The following ASCC2 variants were observed in gnomAD, a reference collection of about 807,000 sequenced individuals.
ASCC2 encodes activating signal cointegrator 1 complex subunit 2.
A neutral mutation model predicts 93.5 loss-of-function variants in ASCC2; 42 were observed. The observed-to-expected ratio is 0.45, with a 90% CI of 0.35 to 0.58. The LOEUF (loss-of-function observed/expected upper bound fraction) is 0.58, where lower values mean the gene tolerates loss of function less well. Among genes scored for constraint, ASCC2 ranks in the 20% least tolerant of loss-of-function variants. The pLI is 0.00. For missense variants in ASCC2, 859 were observed against 977.6 expected, an observed-to-expected ratio of 0.88 and a Z score of 1.62; for synonymous variants, 364 against 384.2, an observed-to-expected ratio of 0.95 and a Z score of 0.62.
Position 29,789,324 on chromosome 22 carries a change from GGA to G in ASCC2, c.2103-142_2103-141del. 5 of 1,034,024 alleles carry G rather than the reference GGA, an allele frequency of 4.8e-6. No homozygotes were observed. The South Asian group carries it at 7.4e-5, about 15-fold the overall frequency. The allele number at this position is 1,034,024 out of a possible 1,614,324, so 64.1% of individuals were successfully genotyped here. On this transcript the variant is annotated intron_variant, in intron 19 of 19. Transcript: ENST00000307790. ...ACTCATGTCCCAACTTCAGATGGAA[GGA>G]GAGATGGAGCCCAGCAGGGGCAGGG...
rs748836069 is a variant in ASCC2, at chr22:29,825,597, A to C, written c.240+25T>G. 1.2e-6 allele frequency: 2 copies of C among 1,613,974 alleles called. No homozygotes were observed. The highest frequency in any genetic ancestry group is 2.7e-5 in the African/African-American group (2 of 74,934). On this transcript the variant is annotated intron_variant, in intron 3 of 19. Transcript: ENST00000307790. The surrounding 1 kb of genome is among the most constrained non-coding windows in gnomAD (Gnocchi z 4.9). The stretch of plus-strand genomic sequence containing the variant: ...AATGGCATGTCATGTGCTTTGTCTT[A>C]GCGTTAATTTTGATAGAATGTTACC...
At chr22:29,815,948 G>T in intron 6 of ASCC2, 58 bp downstream of exon 6, 1 of 1,401,236 alleles carries the variant, frequency 7.1e-7, no homozygotes, top group South Asian at 1.2e-5. Flanking sequence ...CCATTGAGTT[G>T]GGGAGGTGGC....
At chr22:29,791,023 C>A (rs1206673681) in intron 18 of ASCC2, among the ~76,000 whole-genome samples, 2 of 151,838 alleles carry the variant, frequency 1.3e-5, no homozygotes, top group Non-Finnish European at 2.9e-5. Flanking sequence ...GCCAATAGTG[C>A]AAGGAAAAAC....
intron 6 of ASCC2, chr22:29,815,085 G>A (rs1375284134): frequency 2.4e-5 from 6 of 253,646 alleles, no homozygotes; most frequent in African/African-American, 4.7e-5. Flanking sequence ...ATTTGAGGCC[G>A]GAAGTTCAAG....
intron 8 of ASCC2, chr22:29,810,332 C>T (rs1426099978): frequency 6.6e-6 from 1 of 152,252 alleles, no homozygotes; most frequent in Non-Finnish European, 1.5e-5. Context: ...CTTCCCAAAG[C>T]CGGAACTGCA....
At chr22:29,822,603 T>C (rs1487503445) in intron 4 of ASCC2, 139 bp from the exon 5 acceptor site, 4 of 912,178 alleles carry the variant, frequency 4.4e-6, no homozygotes, top group African/African-American at 1.7e-5. Flanking sequence ...CCTGGAGCAA[T>C]GGCCATTCTC....
At chr22:29,832,554 T>G in intron 1 of ASCC2, 6 of 426,618 alleles carry the variant, frequency 1.4e-5, no homozygotes, top group East Asian at 7.7e-5. Flanking sequence ...GAAGAAATAC[T>G]TCCCCAGATG....
rs1198620419 is a variant in ASCC2, at chr22:29,825,145, C to T, written c.353G>A (p.Arg118His). Residue 118 changes from arginine (R) to histidine (H), a missense_variant, in exon 4 of 20, where the codon CGC becomes CAC. Coordinates refer to ENST00000307790, the MANE Select transcript of ASCC2 (RefSeq NM_032204.5). The surrounding 1 kb of genome is among the most constrained non-coding windows in gnomAD (Gnocchi z 4.9). ...GGTGAGAAAAACACTTCGATGGAGG[C>T]GCTTCTGCATGTCAACAACCTCAGG... ...SAPEVVDMQKRLHRSVFLTFL... is the reference protein window; with the variant it reads ...SAPEVVDMQKHLHRSVFLTFL... 2.6e-6 allele frequency: 4 copies of T among 1,548,878 alleles called. No individual in the cohort carries two copies. Among genetic ancestry groups the T allele is most frequent in the African/African-American group, 2.8e-5 (2 of 71,674 alleles).
At position 29,788,723 on chromosome 22, in the gene ASCC2, G is replaced by A. The variant is rs532275945; in HGVS notation, c.*290C>T. 8.9e-5 allele frequency: 40 copies of A among 451,674 alleles called. No homozygotes were observed. Among genetic ancestry groups the A allele is most frequent in the African/African-American group, 5.5e-4 (28 of 50,866 alleles). 28.0% of individuals were successfully genotyped at this position (451,674 alleles called of 1,614,324 possible). ...TGTCTTGTGGCCCGAGGTTTGGGGC[G>A]CTTGCCTTGGGACTCCATCCCCATC... is the stretch of plus-strand genomic sequence containing the variant. On this transcript the variant is annotated 3_prime_UTR_variant, in exon 20 of 20. Transcript: ENST00000307790.
At chr22:29,827,823 ACACACACATACAC>A (rs1568953048) in intron 2 of ASCC2, among the ~76,000 whole-genome samples, 14 of 130,520 alleles carry the variant, frequency 1.1e-4, no homozygotes, top group African/African-American at 4.0e-4. Flanking sequence ...ACACACACAC[ACACACACATACAC>A]CCAGACTACT....
chr22:29,806,110 G>C, intron 12 of ASCC2, 106 bp downstream of exon 12: 2 of 1,292,122 alleles, frequency 1.5e-6, no homozygotes, highest in Non-Finnish European at 2.2e-6. Flanking sequence ...TGACCCATGC[G>C]TTCTGGGGCT....
intron 2 of ASCC2, among the ~76,000 whole-genome samples, chr22:29,830,578 A>AG (rs11430192): frequency 1 from 152,327 of 152,328 alleles, 76,163 homozygotes; most frequent in Non-Finnish European, 1. Flanking sequence ...ACCAGGCCAA[A>AG]GCCTCCCTGC....
At chr22:29,822,002 TC>T (rs201580165) in intron 5 of ASCC2, 15,517 of 362,828 alleles carry the variant, frequency 0.043, 360 homozygotes, top group East Asian at 0.076. Flanking sequence ...TTGTCTTTTT[TC>T]TTTTTTTTTG....
chr22:29,813,452 G>A lies in ASCC2; in HGVS notation c.811C>T (p.Gln271Ter), dbSNP rs760498405. The A allele has an allele frequency of 2.5e-6, 4 of 1,613,426 alleles. No homozygotes were observed. Among genetic ancestry groups the A allele is most frequent in the Non-Finnish European group, 8.5e-7 (1 of 1,179,326 alleles). ...TACCTGTAACAAAAGTCGTGCTTCT[G>A]GAAGGTCTGGCAAGCCAAAGGGAAG... ...DIFPLACQTF[Q>*]KHDFCYRLAS... Residue 271 changes from glutamine to a stop codon, truncating the protein, a stop_gained, in exon 8 of 20, where the codon CAG (glutamine) becomes TAG (stop). Transcript: ENST00000307790. LOFTEE classifies it high-confidence loss of function.
intron 18 of ASCC2, among the ~76,000 whole-genome samples, chr22:29,790,881 C>A (rs1569355764): frequency 1.3e-5 from 2 of 152,166 alleles, no homozygotes; most frequent in South Asian, 4.1e-4. Context: ...CTGTGAGAGG[C>A]TGTGCAGGGC....
chr22:29,796,385 C>T (rs970632425), intron 15 of ASCC2, among the ~76,000 whole-genome samples: 1 of 152,096 alleles, frequency 6.6e-6, no homozygotes, highest in African/African-American at 2.4e-5. Flanking sequence ...GAGATCTGCC[C>T]TCATGAACTC....
chr22:29,824,719 T>C (rs1168575851), intron 4 of ASCC2, among the ~76,000 whole-genome samples: 1 of 151,620 alleles, frequency 6.6e-6, no homozygotes, highest in East Asian at 1.9e-4. Context: ...TGTTTAGAGA[T>C]AGCAGTATTA....
In ASCC2 at chr22:29,825,545, G is replaced by A; in HGVS notation, c.240+77C>T. ...GTAGACAAAAAAGCACCTCCTAGGG[G>A]AAGAAAAACAACAACAGCAACCAAC... is the stretch of plus-strand genomic sequence containing the variant. On this transcript the variant is annotated intron_variant, in intron 3 of 19. Coordinates refer to ENST00000307790, the MANE Select transcript of ASCC2 (RefSeq NM_032204.5). The surrounding 1 kb of genome is among the most constrained non-coding windows in gnomAD (Gnocchi z 4.9). 1.3e-6 allele frequency: 2 copies of A among 1,597,598 alleles called. No homozygotes were observed. Among genetic ancestry groups the A allele is most frequent in the South Asian group, 1.1e-5 (1 of 90,294 alleles).
chr22:29,832,331 T>C lies in ASCC2; in HGVS notation c.-6A>G. The C allele has an allele frequency of 2.5e-6, 4 of 1,612,094 alleles. No homozygotes were observed. The highest frequency in any genetic ancestry group is 3.4e-6 in the Non-Finnish European group (4 of 1,178,304). ...TCCAGGGGCAGAGCTGGCATTGTGC[T>C]GCGTGACCCTCCTGAAAGGAATATG... On this transcript the variant is annotated 5_prime_UTR_variant, in exon 2 of 20. Transcript: ENST00000307790.
Sources: gnomAD v4.1 joint callset for allele counts (sites outside exome capture counted in the v4.1 genomes callset) on GRCh38, gnomAD v4.1.1 for gene constraint, Gnocchi (gnomAD v3.1) non-coding constraint, MANE v1.5 for transcripts, NCBI Gene and HGNC (gene_info 2026-07-23, HGNC 2026-07-21) for gene names.